LRRC20: variants seen among roughly 807,000 people sequenced by gnomAD.
The protein encoded by LRRC20 is leucine-rich repeat-containing protein 20.
In LRRC20, 11 loss-of-function variants were observed where a neutral mutation model predicts 14.4. That is an observed-to-expected ratio of 0.77 (90% CI 0.48 to 1.27). LRRC20 has a LOEUF of 1.27. Ranked by LOEUF, LRRC20 falls within the 50% of genes most tolerant of loss-of-function variation. LRRC20 has a pLI of 0.00. For synonymous variants in LRRC20, 121 were observed against 107.3 expected (o/e 1.13, Z -0.79); for missense variants, 219 against 251.2 (o/e 0.87, Z 0.87).
At chr10:70,382,433 G>T (rs116319909) in intron 1 of LRRC20, 116 bp downstream of exon 1, 6,375 of 152,492 alleles carry the variant, frequency 0.042, 219 homozygotes, top group African/African-American at 0.097. Flanking sequence ...TGCAAAAATC[G>T]GAACACTTCT....
rs139715621 is a variant in LRRC20 at position 70,328,987 on chromosome 10, G to A, written c.233-4957C>T. 4.1e-3 allele frequency among the ~76,000 whole-genome samples: 619 copies of A among 152,304 alleles called. 1 individual carries two copies. The highest frequency in any genetic ancestry group is 7.3e-3 in the Non-Finnish European group (497 of 68,030). On this transcript the variant is annotated intron_variant, in intron 3 of 4. Transcript: ENST00000446961. The stretch of plus-strand genomic sequence containing the variant: ...AACCTTTGCAGAAACAAAATTCAAA[G>A]CCAACATGATAGCAGGAATCAAAAG...
At chr10:70,322,169 G>A (rs769071296) in intron 4 of LRRC20, among the ~76,000 whole-genome samples, 3 of 152,184 alleles carry the variant, frequency 2.0e-5, no homozygotes, top group Admixed American at 6.5e-5. Context: ...CTGGGGGTGG[G>A]GGATAAGCTT....
chr10:70,346,917 G>A (rs943693571), intron 2 of LRRC20, among the ~76,000 whole-genome samples: 6 of 152,044 alleles, frequency 3.9e-5, no homozygotes, highest in Admixed American at 6.6e-5. Context: ...ACAGGATCTC[G>A]CTCTGCCACC....
rs890661844 is a variant in LRRC20, at chr10:70,356,389, G to A, written c.83-15687C>T. Among the ~76,000 whole-genome samples the A allele has an allele frequency of 5.3e-5, 8 of 152,272 alleles. No homozygotes were observed. The East Asian group carries it at 1.5e-3, about 29-fold the overall frequency. On this transcript the variant is annotated intron_variant, in intron 2 of 4. Transcript: ENST00000446961. ...TAGCTGGGTGTGGTAGTGCATGCCT[G>A]TAGTCCCAGCTAGCTACTTGGGAGG...
At chr10:70,313,935 G>A (rs1052128544) in intron 4 of LRRC20, among the ~76,000 whole-genome samples, 1 of 152,146 alleles carries the variant, frequency 6.6e-6, no homozygotes, top group South Asian at 2.1e-4. Flanking sequence ...ACCAGAGGCT[G>A]GGTAACTTAT....
At chr10:70,351,557 T>A (rs1416600815) in intron 2 of LRRC20, among the ~76,000 whole-genome samples, 3 of 152,190 alleles carry the variant, frequency 2.0e-5, no homozygotes, top group Non-Finnish European at 1.5e-5. Flanking sequence ...ATCCTTCACA[T>A]AAATGATGAC....
chr10:70,379,067 G>T (rs79436270), intron 1 of LRRC20, among the ~76,000 whole-genome samples: 11,432 of 152,232 alleles, frequency 0.075, 651 homozygotes, highest in African/African-American at 0.16. Context: ...TGCTTAGTTA[G>T]TATCCCCTAA....
At chr10:70,378,269 A>G (rs1844580783) in intron 1 of LRRC20, among the ~76,000 whole-genome samples, 1 of 152,200 alleles carries the variant, frequency 6.6e-6, no homozygotes. Flanking sequence ...TTATTGCCTC[A>G]GTGTTCTCTC....
intron 2 of LRRC20, among the ~76,000 whole-genome samples, chr10:70,343,676 A>G (rs1842988634): frequency 6.6e-6 from 1 of 152,216 alleles, no homozygotes; most frequent in Non-Finnish European, 1.5e-5. Flanking sequence ...AAAAAGAGTA[A>G]TCGTTCCAAA....
intron 3 of LRRC20, among the ~76,000 whole-genome samples, chr10:70,340,327 C>A (rs1355385230): frequency 6.6e-6 from 1 of 152,190 alleles, no homozygotes; most frequent in Non-Finnish European, 1.5e-5. Flanking sequence ...GAACCACACC[C>A]TTGATCCTTG....
At chr10:70,339,893 G>A (rs1235684184) in intron 3 of LRRC20, among the ~76,000 whole-genome samples, 3 of 152,042 alleles carry the variant, frequency 2.0e-5, no homozygotes, top group African/African-American at 7.2e-5. Context: ...GACTGAGGCG[G>A]GCAGATCACC....
rs140303313 is a variant in LRRC20, at chr10:70,307,682, T to C, written c.401-6174A>G. ...CCCCCAGATCCTTCGCTTCACATGA[T>C]AGTTGAGAGTGGGTGGGTAGTGGTT... On this transcript the variant is annotated intron_variant, in intron 4 of 4. Transcript: ENST00000446961. Among the ~76,000 whole-genome samples the C allele has an allele frequency of 3.0e-3, 455 of 152,298 alleles. 6 individuals are homozygous for C. The highest frequency in any genetic ancestry group is 0.011 in the African/African-American group (438 of 41,552).
rs190816092 is a variant in LRRC20, at chr10:70,344,662, G to A, written c.83-3960C>T. On this transcript the variant is annotated intron_variant, in intron 2 of 4. Transcript: ENST00000446961. ...GCTCACTGCAGCCTCGAACTCCTGG[G>A]CTTAAACGATCCTCCCACCTCAGCT... Among the ~76,000 whole-genome samples the A allele has an allele frequency of 1.9e-3, 296 of 152,286 alleles. 1 individual carries two copies. Among genetic ancestry groups the A allele is most frequent in the Middle Eastern group, 0.014 (4 of 294 alleles).
At chr10:70,357,159 A>G (rs1278156563) in intron 2 of LRRC20, among the ~76,000 whole-genome samples, 1 of 152,240 alleles carries the variant, frequency 6.6e-6, no homozygotes, top group African/African-American at 2.4e-5. Context: ...GAGGCAATCT[A>G]TAGAGACAGA....
chr10:70,328,804 G>C (rs1215289815), intron 3 of LRRC20, among the ~76,000 whole-genome samples: 1 of 152,086 alleles, frequency 6.6e-6, no homozygotes, highest in Non-Finnish European at 1.5e-5. Context: ...TGTAATCCCA[G>C]CTACTTGGGA....
chr10:70,325,140 T>C (rs1274886700), intron 3 of LRRC20, among the ~76,000 whole-genome samples: 3 of 152,140 alleles, frequency 2.0e-5, no homozygotes, highest in African/African-American at 4.8e-5. Context: ...TGTCCCCCAG[T>C]TCTTCTCCCA....
At chr10:70,306,522 C>T (rs973942456) in intron 4 of LRRC20, among the ~76,000 whole-genome samples, 8 of 152,196 alleles carry the variant, frequency 5.3e-5, no homozygotes, top group Admixed American at 1.3e-4. Context: ...ACCGAGACTT[C>T]GCATCCTCAG....
intron 4 of LRRC20, among the ~76,000 whole-genome samples, chr10:70,319,555 T>C (rs144464079): frequency 1.3e-5 from 2 of 152,234 alleles, no homozygotes; most frequent in East Asian, 1.9e-4. Flanking sequence ...TAGCTCTCCA[T>C]GGCACATCTG....
Position 70,299,098 on chromosome 10 carries a change from G to A in LRRC20, c.*2256C>T, listed in dbSNP as rs1841063341. ...CAGACAAGGGCAAACTCTCCAAGCA[G>A]AGGAGAAAACAACTTCCAGAAGCTG... On this transcript the variant is annotated 3_prime_UTR_variant, in exon 5 of 5. Coordinates refer to ENST00000446961, the MANE Select transcript of LRRC20 (RefSeq NM_001278212.2). 1 of 152,640 alleles carries A rather than the reference G, an allele frequency of 6.6e-6. No individual in the cohort carries two copies. 9.5% of individuals were successfully genotyped at this position (152,640 alleles called of 1,614,324 possible).
Sources: gnomAD v4.1 joint callset for allele counts (sites outside exome capture counted in the v4.1 genomes callset) on GRCh38, gnomAD v4.1.1 for gene constraint, MANE v1.5 for transcripts, NCBI Gene and HGNC (gene_info 2026-07-23, HGNC 2026-07-21) for gene names.